Variants in SORCS3 observed in about 807,000 individuals in gnomAD.
The protein encoded by SORCS3 is VPS10 domain-containing receptor SorCS3.
In SORCS3, 57 loss-of-function variants were observed where a neutral mutation model predicts 146.3. The observed-to-expected ratio is 0.39, with a 90% CI of 0.31 to 0.49. SORCS3 has a LOEUF of 0.49. SORCS3 is among the 20% of genes least tolerant of loss of function. SORCS3 has a pLI of 0.92. For missense variants in SORCS3, 1,341 were observed against 1,575.5 expected (o/e 0.85, Z 2.52); for synonymous variants, 653 against 618.5 (o/e 1.06, Z -0.83).
At chr10:105,164,249 GCA>G in intron 11 of SORCS3, 52 bp from the exon 12 acceptor site, 2 of 1,367,624 alleles carry the variant, frequency 1.5e-6, no homozygotes, top group Non-Finnish European at 2.1e-6. Flanking sequence ...TCAGCCCTAA[GCA>G]CACTTAATTG....
At chr10:104,757,771 AATGGAG>A (rs1025253894) in intron 1 of SORCS3, among the ~76,000 whole-genome samples, 2 of 151,884 alleles carry the variant, frequency 1.3e-5, no homozygotes, top group East Asian at 1.9e-4. Flanking sequence ...CCTAGCATTA[AATGGAG>A]GTGTTTTCAT....
chr10:104,995,179 G>A (rs144729029), intron 4 of SORCS3, among the ~76,000 whole-genome samples: 10,170 of 128,806 alleles, frequency 0.079, 430 homozygotes, highest in African/African-American at 0.12. Context: ...TTTTTTTTTG[G>A]GATGGAGTCT....
chr10:105,245,174 G>A (rs903614713), intron 20 of SORCS3, among the ~76,000 whole-genome samples: 3 of 151,766 alleles, frequency 2.0e-5, no homozygotes, highest in African/African-American at 4.8e-5. Flanking sequence ...AATATAGGAT[G>A]AAAATATAAG....
Position 105,264,465 on chromosome 10 carries a change from G to T in SORCS3, c.*1091G>T, listed in dbSNP as rs2056979931. Reference sequence around the variant, plus strand: ...CTCAGGCTATTCTGAGCTCAGAAAAGTCCCCTGGGCACTAGGTAAAGCCCA... The same window carrying T: ...CTCAGGCTATTCTGAGCTCAGAAAATTCCCCTGGGCACTAGGTAAAGCCCA... On this transcript the variant is annotated 3_prime_UTR_variant, in exon 27 of 27. Coordinates refer to ENST00000369701, the MANE Select transcript of SORCS3 (RefSeq NM_014978.3). The T allele has an allele frequency of 6.6e-6, 1 of 152,278 alleles. No individual in the cohort carries two copies. The highest frequency in any genetic ancestry group is 2.1e-4 in the South Asian group (1 of 4,836). The allele number at this position is 152,278 out of a possible 1,614,324, so 9.4% of individuals were successfully genotyped here.
At chr10:105,044,163 G>A (rs190662580) in intron 5 of SORCS3, among the ~76,000 whole-genome samples, 2 of 152,188 alleles carry the variant, frequency 1.3e-5, no homozygotes, top group Admixed American at 1.3e-4. Context: ...GAGGCCAGGA[G>A]TTCAAGACCA....
intron 1 of SORCS3, among the ~76,000 whole-genome samples, chr10:104,838,531 G>A (rs1223669827): frequency 2.0e-5 from 3 of 152,158 alleles, no homozygotes; most frequent in African/African-American, 7.2e-5. Context: ...TCTGGGCTGG[G>A]CTCCAGGGGA....
chr10:104,940,212 A>C (rs1385075800), intron 3 of SORCS3, among the ~76,000 whole-genome samples: 1 of 21,168 alleles, frequency 4.7e-5, no homozygotes, highest in African/African-American at 1.2e-4. Context: ...TTTTATATAT[A>C]TATATATATA....
chr10:105,184,870 T>C (rs962867505), intron 14 of SORCS3, among the ~76,000 whole-genome samples: 1 of 152,222 alleles, frequency 6.6e-6, no homozygotes, highest in African/African-American at 2.4e-5. Context: ...TGTACAATAA[T>C]GTATTGCTAA....
chr10:105,244,011 C>T (rs2056851712), intron 20 of SORCS3, among the ~76,000 whole-genome samples: 1 of 152,146 alleles, frequency 6.6e-6, no homozygotes, highest in African/African-American at 2.4e-5. Flanking sequence ...CAGCTGGCTA[C>T]ATTGCTACTC....
At chr10:104,837,438 T>G (rs2018083586) in intron 1 of SORCS3, among the ~76,000 whole-genome samples, 1 of 152,238 alleles carries the variant, frequency 6.6e-6, no homozygotes, top group Non-Finnish European at 1.5e-5. Context: ...TGTCTGTATA[T>G]AGCTTGTAAG....
intron 14 of SORCS3, among the ~76,000 whole-genome samples, chr10:105,191,930 A>T (rs756633890): frequency 1.6e-4 from 25 of 152,162 alleles, no homozygotes; most frequent in Non-Finnish European, 1.8e-4. Flanking sequence ...ACACTGAGCC[A>T]AATACAATGT....
At position 105,247,461 on chromosome 10, in the gene SORCS3, G is replaced by C. The variant is rs2056874036; in HGVS notation, c.3105+130G>C. 28 of 534,894 alleles carry C rather than the reference G, an allele frequency of 5.2e-5. 1 individual carries two copies. In the South Asian group the frequency reaches 8.3e-4, roughly 16 times the overall value. The allele number at this position is 534,894 out of a possible 1,614,324, so 33.1% of individuals were successfully genotyped here. On this transcript the variant is annotated intron_variant, in intron 22 of 26. Coordinates refer to ENST00000369701, the MANE Select transcript of SORCS3 (RefSeq NM_014978.3). ...AAGATTATTTCTCTGTAAAAAGAGA[G>C]AGAAGAGGCTGGGTGCAGTCGCTCA...
chr10:104,893,331 G>C (rs1401816352), intron 2 of SORCS3, among the ~76,000 whole-genome samples: 1 of 152,222 alleles, frequency 6.6e-6, no homozygotes, highest in Non-Finnish European at 1.5e-5. Context: ...AAATCTCCAA[G>C]GGTAGTCGGT....
chr10:104,976,912 G>C (rs542730790), intron 3 of SORCS3, among the ~76,000 whole-genome samples: 3 of 152,230 alleles, frequency 2.0e-5, no homozygotes, highest in Non-Finnish European at 2.9e-5. Flanking sequence ...ACTGTTGTGG[G>C]GTGGGGGAAG....
chr10:104,652,250 A>G (rs2015572052), intron 1 of SORCS3, among the ~76,000 whole-genome samples: 1 of 152,208 alleles, frequency 6.6e-6, no homozygotes, highest in Admixed American at 6.5e-5. Context: ...TTGTTTGCTT[A>G]GTATGATGCC....
At chr10:105,005,433 G>A (rs1370984412) in intron 4 of SORCS3, among the ~76,000 whole-genome samples, 1 of 152,196 alleles carries the variant, frequency 6.6e-6, no homozygotes, top group Non-Finnish European at 1.5e-5. Context: ...ATAAAGGGAG[G>A]AAAGCTTATA....
At chr10:104,866,994 C>A (rs932326574) in intron 2 of SORCS3, among the ~76,000 whole-genome samples, 2 of 152,172 alleles carry the variant, frequency 1.3e-5, no homozygotes, top group African/African-American at 4.8e-5. Context: ...TAAACAGATT[C>A]ATTCCTAGAA....
At chr10:105,026,522 C>A (rs576135252) in intron 4 of SORCS3, among the ~76,000 whole-genome samples, 1 of 152,326 alleles carries the variant, frequency 6.6e-6, no homozygotes, top group African/African-American at 2.4e-5. Flanking sequence ...AGGACACATG[C>A]ACTTGTATGT....
intron 2 of SORCS3, among the ~76,000 whole-genome samples, chr10:104,871,788 C>A (rs1262231055): frequency 2.0e-5 from 3 of 152,092 alleles, no homozygotes; most frequent in Non-Finnish European, 4.4e-5. Context: ...TTTTGCCCTT[C>A]CCAGAAACCT....
Sources: gnomAD v4.1 joint callset for allele counts (sites outside exome capture counted in the v4.1 genomes callset) on GRCh38, gnomAD v4.1.1 for gene constraint, MANE v1.5 for transcripts, NCBI Gene and HGNC (gene_info 2026-07-23, HGNC 2026-07-21) for gene names.